UBAC2: variants seen among roughly 807,000 people sequenced by gnomAD.
UBAC2 encodes the protein UBA domain containing 2.
A neutral mutation model predicts 44.0 loss-of-function variants in UBAC2; 26 were observed. The ratio of observed to expected loss-of-function variants is 0.59; its 90% CI spans 0.43 to 0.82. The LOEUF (loss-of-function observed/expected upper bound fraction) is 0.82. Among genes scored for constraint, UBAC2 ranks in the 40% least tolerant of loss-of-function variants. UBAC2 has a pLI of 0.00. For synonymous variants in UBAC2, 155 were observed against 154.3 expected (o/e 1.00, Z -0.04); for missense variants, 329 against 419.4 (o/e 0.78, Z 1.88).
Position 99,284,246 on chromosome 13 carries a change from G to T in UBAC2, c.390-29851G>T, listed in dbSNP as rs1054085791. Among the ~76,000 whole-genome samples the T allele has an allele frequency of 2.0e-5, 3 of 152,202 alleles. No individual in the cohort carries two copies. The East Asian group carries it at 5.8e-4, about 29-fold the overall frequency. On this transcript the variant is annotated intron_variant, in intron 4 of 8. Coordinates refer to ENST00000403766, the MANE Select transcript of UBAC2 (RefSeq NM_001144072.2). Reference sequence around the variant, plus strand: ...ATGCAAAGAAAAAAAGTTCCAATTGGGGGGAAGTGCCCCCATGAATGGGGC... The same window carrying T: ...ATGCAAAGAAAAAAAGTTCCAATTGTGGGGAAGTGCCCCCATGAATGGGGC...
At chr13:99,270,452 G>A (rs1276656147) in intron 4 of UBAC2, among the ~76,000 whole-genome samples, 2 of 152,180 alleles carry the variant, frequency 1.3e-5, no homozygotes, top group Non-Finnish European at 2.9e-5. Flanking sequence ...ATCAGCTTTT[G>A]TCTTCCTAAA....
At chr13:99,341,527 T>C (rs1157807103) in intron 7 of UBAC2, among the ~76,000 whole-genome samples, 1 of 152,182 alleles carries the variant, frequency 6.6e-6, no homozygotes, top group Non-Finnish European at 1.5e-5. Context: ...CTCTGGAACA[T>C]GCCATAAAGA....
intron 1 of UBAC2, among the ~76,000 whole-genome samples, chr13:99,223,542 GTTTT>G (rs145143990): frequency 0.19 from 11,875 of 62,924 alleles, 712 homozygotes; most frequent in East Asian, 0.32. Context: ...CTCTTTTTCT[GTTTT>G]TTTTTTTTTT....
chr13:99,385,409 G>A lies in UBAC2; in HGVS notation c.*74G>A, dbSNP rs985044706. 1.9e-5 allele frequency: 23 copies of A among 1,237,382 alleles called. No individual in the cohort carries two copies. The highest frequency in any genetic ancestry group is 3.5e-5 in the Admixed American group (2 of 56,396). The allele number at this position is 1,237,382 out of a possible 1,614,324, so 76.7% of individuals were successfully genotyped here. On this transcript the variant is annotated 3_prime_UTR_variant, in exon 9 of 9. Transcript: ENST00000403766. ...GTGGTCCCCACCATCAGATCAGCCC[G>A]GGGACCGAGCATCTCTGGTGCTGAT...
At chr13:99,225,336 A>G (rs912207807) in intron 1 of UBAC2, among the ~76,000 whole-genome samples, 4 of 152,144 alleles carry the variant, frequency 2.6e-5, no homozygotes, top group Non-Finnish European at 4.4e-5. Flanking sequence ...GCCTCTGGCA[A>G]CCACTTTTCT....
chr13:99,348,089 C>A (rs892409655), intron 7 of UBAC2, among the ~76,000 whole-genome samples: 7 of 152,180 alleles, frequency 4.6e-5, no homozygotes, highest in Admixed American at 2.0e-4. Context: ...CAGCTGTGAT[C>A]ATCTTTACAC....
chr13:99,293,285 C>A (rs1195259925), intron 4 of UBAC2, among the ~76,000 whole-genome samples: 1 of 152,090 alleles, frequency 6.6e-6, no homozygotes, highest in African/African-American at 2.4e-5. Flanking sequence ...TTTGTAGGAT[C>A]CTAAGAATTG....
chr13:99,272,154 A>G (rs2043823944), intron 4 of UBAC2, among the ~76,000 whole-genome samples: 1 of 152,080 alleles, frequency 6.6e-6, no homozygotes, highest in African/African-American at 2.4e-5. Flanking sequence ...TTTTAGCTCT[A>G]CTAGACCTAA....
intron 7 of UBAC2, among the ~76,000 whole-genome samples, chr13:99,351,041 G>A (rs2045078725): frequency 6.6e-6 from 1 of 152,184 alleles, no homozygotes; most frequent in Non-Finnish European, 1.5e-5. Context: ...ACAATAGAAA[G>A]CAGCGTAATA....
intron 4 of UBAC2, among the ~76,000 whole-genome samples, chr13:99,304,708 A>G (rs1311124172): frequency 6.6e-6 from 1 of 152,116 alleles, no homozygotes; most frequent in Non-Finnish European, 1.5e-5. Context: ...CAGAACTTTC[A>G]CAAGTCCATT....
chr13:99,304,608 T>C (rs569232901), intron 4 of UBAC2, among the ~76,000 whole-genome samples: 1 of 152,362 alleles, frequency 6.6e-6, no homozygotes, highest in Admixed American at 6.5e-5. Context: ...AAGCCCTTGA[T>C]GAATAATAAT....
At chr13:99,341,340 C>T (rs1218916710) in intron 7 of UBAC2, among the ~76,000 whole-genome samples, 3 of 148,912 alleles carry the variant, frequency 2.0e-5, no homozygotes, top group African/African-American at 5.0e-5. Flanking sequence ...CTGCAGATCT[C>T]ACGATGGTTT....
chr13:99,305,056 T>C (rs2044311909), intron 4 of UBAC2, among the ~76,000 whole-genome samples: 1 of 152,230 alleles, frequency 6.6e-6, no homozygotes, highest in Non-Finnish European at 1.5e-5. Flanking sequence ...AAAGGTTTTA[T>C]AAATGGATTT....
chr13:99,306,689 T>C (rs2138747190), intron 4 of UBAC2, among the ~76,000 whole-genome samples: 1 of 152,266 alleles, frequency 6.6e-6, no homozygotes, highest in East Asian at 1.9e-4. Flanking sequence ...CTCAGGCACA[T>C]AGAAAAGATA....
intron 1 of UBAC2, among the ~76,000 whole-genome samples, chr13:99,204,715 A>C (rs2042847308): frequency 6.6e-6 from 1 of 152,044 alleles, no homozygotes; most frequent in Admixed American, 6.6e-5. Context: ...GAACCTTTCC[A>C]GAAAAGCTCA....
intron 2 of UBAC2, among the ~76,000 whole-genome samples, chr13:99,240,433 C>G (rs2043286533): frequency 6.6e-6 from 1 of 152,168 alleles, no homozygotes; most frequent in Non-Finnish European, 1.5e-5. Flanking sequence ...TAATTACAAA[C>G]TCTCCATTTC....
intron 1 of UBAC2, among the ~76,000 whole-genome samples, chr13:99,237,192 C>G (rs2043243697): frequency 6.6e-6 from 1 of 151,546 alleles, no homozygotes; most frequent in Non-Finnish European, 1.5e-5. Context: ...TTGACTAGTT[C>G]CCTCTTTTGA....
intron 7 of UBAC2, among the ~76,000 whole-genome samples, chr13:99,345,424 C>G (rs1004374372): frequency 6.6e-6 from 1 of 150,954 alleles, no homozygotes; most frequent in African/African-American, 2.5e-5. Context: ...AAGCCCGGCT[C>G]TCAGAGGAGT....
chr13:99,209,962 G>T (rs1031029857), intron 1 of UBAC2, among the ~76,000 whole-genome samples: 4 of 152,104 alleles, frequency 2.6e-5, no homozygotes, highest in African/African-American at 9.7e-5. Flanking sequence ...CTGGGTGCGA[G>T]ACTGTCTCAA....
Sources: allele counts gnomAD v4.1 joint callset (sites outside exome capture counted in the v4.1 genomes callset), GRCh38; gene constraint gnomAD v4.1.1; transcripts MANE v1.5; gene names NCBI Gene and HGNC (gene_info 2026-07-23, HGNC 2026-07-21).